Variants in AGBL4 observed in about 807,000 individuals in gnomAD.
AGBL4 encodes AGBL carboxypeptidase 4.
Under a neutral mutation model 66.4 loss-of-function variants are expected in AGBL4, and 58 were observed. The observed-to-expected ratio is 0.87, with a 90% CI of 0.71 to 1.09. AGBL4 has a LOEUF of 1.09. Among genes scored for constraint, AGBL4 ranks in the 50% least tolerant of loss-of-function variants. The pLI is 0.00. For missense variants in AGBL4, 579 were observed against 631.0 expected (o/e 0.92, Z 0.88); for synonymous variants, 234 against 222.9 (o/e 1.05, Z -0.44).
chr1:48,828,513 A>G (rs12117811), intron 6 of AGBL4, among the ~76,000 whole-genome samples: 10,733 of 152,250 alleles, frequency 0.07, 520 homozygotes, highest in East Asian at 0.16. Flanking sequence ...TGGCTTCTCA[A>G]CTGGTGCCAG....
intron 3 of AGBL4, among the ~76,000 whole-genome samples, chr1:49,578,251 A>C (rs1644474510): frequency 6.6e-6 from 1 of 152,188 alleles, no homozygotes; most frequent in African/African-American, 2.4e-5. Flanking sequence ...GGAGGTAAGG[A>C]AGAGTATGCA....
At chr1:49,479,995 C>T (rs979304115) in intron 3 of AGBL4, among the ~76,000 whole-genome samples, 2 of 152,076 alleles carry the variant, frequency 1.3e-5, no homozygotes, top group African/African-American at 4.8e-5. Flanking sequence ...GCGTGAGCCA[C>T]GGCGCCCGGC....
intron 6 of AGBL4, among the ~76,000 whole-genome samples, chr1:48,708,056 T>C (rs1261236940): frequency 2.6e-5 from 4 of 152,220 alleles, no homozygotes; most frequent in Non-Finnish European, 4.4e-5. Flanking sequence ...ATGTGGAAAC[T>C]GAGGCTTAGA....
At chr1:49,090,487 A>G (rs1006839248) in intron 4 of AGBL4, among the ~76,000 whole-genome samples, 2 of 152,154 alleles carry the variant, frequency 1.3e-5, no homozygotes, top group Admixed American at 6.6e-5. Flanking sequence ...CCCATTCACA[A>G]TAGCCACAAA....
At chr1:49,100,488 G>A (rs1645181363) in intron 4 of AGBL4, among the ~76,000 whole-genome samples, 2 of 152,236 alleles carry the variant, frequency 1.3e-5, no homozygotes, top group Admixed American at 6.5e-5. Flanking sequence ...GTCCACCACA[G>A]ATCTCAAGAT....
intron 1 of AGBL4, among the ~76,000 whole-genome samples, chr1:50,003,857 T>C (rs1240605476): frequency 6.6e-6 from 1 of 152,166 alleles, no homozygotes; most frequent in Admixed American, 6.5e-5. Context: ...AAAAAGAAAG[T>C]TCTTGGGTGG....
chr1:49,596,332 A>G (rs1017128709), intron 3 of AGBL4, among the ~76,000 whole-genome samples: 3 of 152,132 alleles, frequency 2.0e-5, no homozygotes, highest in South Asian at 2.1e-4. Flanking sequence ...ACCATGCCCA[A>G]TTGATTCTTG....
intron 3 of AGBL4, among the ~76,000 whole-genome samples, chr1:49,692,885 A>G (rs542086461): frequency 6.6e-6 from 1 of 152,274 alleles, no homozygotes; most frequent in South Asian, 2.1e-4. Flanking sequence ...AAAATCTCCT[A>G]TTACATACAT....
At chr1:49,048,924 C>T (rs1644146034) in intron 4 of AGBL4, among the ~76,000 whole-genome samples, 1 of 152,090 alleles carries the variant, frequency 6.6e-6, no homozygotes, top group African/African-American at 2.4e-5. Context: ...TTCCACTCCC[C>T]TTTTCCCCTT....
At chr1:48,818,791 C>T (rs2148767406) in intron 6 of AGBL4, among the ~76,000 whole-genome samples, 1 of 152,032 alleles carries the variant, frequency 6.6e-6, no homozygotes, top group South Asian at 2.1e-4. Context: ...GAAAGAAATA[C>T]ATCAATATAG....
chr1:48,606,723 C>T (rs554872912), intron 9 of AGBL4, among the ~76,000 whole-genome samples: 5 of 152,160 alleles, frequency 3.3e-5, no homozygotes, highest in Admixed American at 6.5e-5. Flanking sequence ...TTCTGGACTA[C>T]TGCAGTAGGC....
intron 1 of AGBL4, among the ~76,000 whole-genome samples, chr1:49,999,614 C>T (rs1352389650): frequency 6.6e-6 from 1 of 151,950 alleles, no homozygotes; most frequent in Non-Finnish European, 1.5e-5. Flanking sequence ...AAGAGCCTAC[C>T]TAGCCAAAGC....
chr1:49,465,205 CTACA>C lies in AGBL4; in HGVS notation c.283-219345_283-219342del, dbSNP rs1458486706. ...CCTGACTGTATTCCCTACCCTACCCCTACATACACACACACACACACACACACAC... is the reference window on the plus strand; with the variant it reads ...CCTGACTGTATTCCCTACCCTACCCCTACACACACACACACACACACACAC... On this transcript the variant is annotated intron_variant, in intron 3 of 13. Transcript: ENST00000371839. Among the ~76,000 whole-genome samples the C allele has an allele frequency of 2.1e-4, 24 of 114,650 alleles. No homozygotes were observed. The South Asian group carries it at 3.8e-3, about 18-fold the overall frequency. The allele number at this position is 114,650 out of a possible 152,430, so 75.2% of individuals were successfully genotyped here. A position where few individuals can be genotyped will look rare whatever the true frequency, so the allele number is the denominator to read the frequency against.
At chr1:49,413,089 A>G (rs1354103901) in intron 3 of AGBL4, among the ~76,000 whole-genome samples, 1 of 152,070 alleles carries the variant, frequency 6.6e-6, no homozygotes, top group Non-Finnish European at 1.5e-5. Flanking sequence ...AGTAAAAGCA[A>G]CTCTCAATAA....
At chr1:49,600,546 G>A (rs879201883) in intron 3 of AGBL4, among the ~76,000 whole-genome samples, 1 of 152,130 alleles carries the variant, frequency 6.6e-6, no homozygotes, top group Non-Finnish European at 1.5e-5. Flanking sequence ...ACACCGATGG[G>A]TCTTGACTCT....
intron 6 of AGBL4, chr1:48,817,680 A>G (rs1055607671): frequency 2.3e-5 from 5 of 222,064 alleles, no homozygotes; most frequent in Non-Finnish European, 4.4e-5. Flanking sequence ...ATCCCAGCTG[A>G]CCATACAGGC....
intron 4 of AGBL4, among the ~76,000 whole-genome samples, chr1:49,155,661 T>A (rs1447330613): frequency 6.6e-6 from 1 of 152,164 alleles, no homozygotes; most frequent in Non-Finnish European, 1.5e-5. Context: ...GTGAGTAAAG[T>A]AAGATGTCAG....
intron 3 of AGBL4, among the ~76,000 whole-genome samples, chr1:49,688,731 C>CATTT (rs1255687048): frequency 6.6e-6 from 1 of 152,122 alleles, no homozygotes; most frequent in Non-Finnish European, 1.5e-5. Context: ...TCCTCGCCAG[C>CATTT]ATTTGTTATT....
chr1:49,837,643 G>A (rs1321603097), intron 2 of AGBL4, among the ~76,000 whole-genome samples: 3 of 151,960 alleles, frequency 2.0e-5, no homozygotes, highest in Non-Finnish European at 2.9e-5. Context: ...TCAGGAGATC[G>A]GACCATCCTG....
Sources: gnomAD v4.1 joint callset for allele counts (sites outside exome capture counted in the v4.1 genomes callset) on GRCh38, gnomAD v4.1.1 for gene constraint, MANE v1.5 for transcripts, NCBI Gene and HGNC (gene_info 2026-07-23, HGNC 2026-07-21) for gene names.